Variants in AGAP1 observed in about 807,000 individuals in gnomAD.
AGAP1 encodes the protein ArfGAP with GTPase domain, ankyrin repeat and PH domain 1, also known as arf-GAP with GTPase, ANK repeat and PH domain-containing protein 1.
AGAP1 carries 29 observed loss-of-function variants against 105.3 expected under a neutral mutation model. That is an observed-to-expected ratio of 0.28 (90% confidence interval 0.21 to 0.38). AGAP1 has a LOEUF of 0.38. AGAP1 is among the 10% of genes least tolerant of loss of function. The pLI, the probability that AGAP1 is intolerant of heterozygous loss-of-function variation, is 1.00. For synonymous variants in AGAP1, 509 were observed against 485.9 expected (o/e 1.05, Z -0.63); for missense variants, 998 against 1,165.1 (o/e 0.86, Z 2.09).
intron 1 of AGAP1, among the ~76,000 whole-genome samples, chr2:235,558,444 G>A (rs1450250740): frequency 6.6e-6 from 1 of 152,160 alleles, no homozygotes; most frequent in Non-Finnish European, 1.5e-5. Flanking sequence ...GGAAAACCAT[G>A]TTTTGAAATC....
chr2:235,603,436 C>T (rs1025222075), intron 1 of AGAP1, among the ~76,000 whole-genome samples: 1 of 152,196 alleles, frequency 6.6e-6, no homozygotes, highest in Non-Finnish European at 1.5e-5. Context: ...TGTGAGCTCC[C>T]AGAGTGCACA....
rs1336634137 is a variant in AGAP1, at chr2:236,078,988, T to C, written c.2114+29707T>C. ...AGTCCCGTCCCTTTAGCCTCATCCC[T>C]CATGGGGGAAGATACCTGATGCCGG... On this transcript the variant is annotated intron_variant, in intron 16 of 17. Transcript: ENST00000304032. The surrounding 1 kb of genome is among the most constrained non-coding windows in gnomAD (Gnocchi z 5.3). 1.3e-5 allele frequency among the ~76,000 whole-genome samples: 2 copies of C among 152,048 alleles called. No homozygotes were observed. The highest frequency in any genetic ancestry group is 2.9e-5 in the Non-Finnish European group (2 of 68,000).
chr2:235,568,355 C>T (rs548429801), intron 1 of AGAP1, among the ~76,000 whole-genome samples: 9 of 152,340 alleles, frequency 5.9e-5, no homozygotes, highest in South Asian at 2.1e-4. Context: ...GGAGCATGGA[C>T]GCCCGTTCTC....
chr2:235,515,546 C>T (rs148220119), intron 1 of AGAP1, among the ~76,000 whole-genome samples: 47 of 152,286 alleles, frequency 3.1e-4, no homozygotes, highest in East Asian at 1.5e-3. Flanking sequence ...TCTGTCAACA[C>T]GGAGTTGTTT....
rs999191840 is a variant in AGAP1 at position 236,042,569 on chromosome 2, A to T, written c.1891+1728A>T. On this transcript the variant is annotated intron_variant, in intron 15 of 17. Transcript: ENST00000304032. The surrounding 1 kb of genome is among the most constrained non-coding windows in gnomAD (Gnocchi z 5.6). Reference sequence around the variant, plus strand: ...AGAAATATTAGAACATCCATTAAGGAAAATGCCTGCAGTTGTTTCCACCGT... The same window carrying T: ...AGAAATATTAGAACATCCATTAAGGTAAATGCCTGCAGTTGTTTCCACCGT... Among the ~76,000 whole-genome samples the T allele has an allele frequency of 6.6e-6, 1 of 152,206 alleles. No homozygotes were observed. The highest frequency in any genetic ancestry group is 2.4e-5 in the African/African-American group (1 of 41,458).
At chr2:235,540,661 A>T (rs959600146) in intron 1 of AGAP1, among the ~76,000 whole-genome samples, 1 of 152,172 alleles carries the variant, frequency 6.6e-6, no homozygotes, top group African/African-American at 2.4e-5. Context: ...GCTGGGAGAG[A>T]GTAATGGTGA....
At chr2:235,686,357 G>C (rs1476172655) in intron 1 of AGAP1, among the ~76,000 whole-genome samples, 2 of 151,802 alleles carry the variant, frequency 1.3e-5, no homozygotes, top group African/African-American at 2.4e-5. Context: ...GATTATCTTT[G>C]TTCCTGGTTT....
intron 9 of AGAP1, among the ~76,000 whole-genome samples, chr2:235,811,410 T>A (rs1449992396): frequency 2.0e-5 from 3 of 152,244 alleles, no homozygotes; most frequent in African/African-American, 7.2e-5. Flanking sequence ...TCATTTTTAC[T>A]TGGTGGGGAC....
In AGAP1 at chr2:235,877,339, A is replaced by G. The variant is rs1223591593; in HGVS notation, c.1051-6006A>G. On this transcript the variant is annotated intron_variant, in intron 9 of 17. Transcript: ENST00000304032. The surrounding 1 kb of genome is among the most constrained non-coding windows in gnomAD (Gnocchi z 4.3). ...ATTAATTTACTGTGCATTTAATGTT[A>G]AGGATGATGATGTTTTGCTGAAACA... 6.6e-6 allele frequency among the ~76,000 whole-genome samples: 1 copy of G among 152,184 alleles called. No individual in the cohort carries two copies. The highest frequency in any genetic ancestry group is 1.5e-5 in the Non-Finnish European group (1 of 68,036).
At chr2:235,852,053 G>A (rs1287104614) in intron 9 of AGAP1, among the ~76,000 whole-genome samples, 1 of 152,176 alleles carries the variant, frequency 6.6e-6, no homozygotes, top group African/African-American at 2.4e-5. Context: ...TGCCGACTCT[G>A]AAACAAGGTG....
rs1309567220 is a variant in AGAP1 at position 235,893,240 on chromosome 2, C to T, written c.1155+9791C>T. ...ATAATGAAGCACCATGTCTGTAGCG[C>T]GGGTGTGCCATGTCCATCATAAGGA... On this transcript the variant is annotated intron_variant, in intron 10 of 17. Coordinates refer to ENST00000304032, the MANE Select transcript of AGAP1 (RefSeq NM_001037131.3). This position sits in a 1 kb window ranked among gnomAD's most constrained non-coding sequence, Gnocchi z 4.7. Among the ~76,000 whole-genome samples the T allele has an allele frequency of 1.3e-5, 2 of 148,450 alleles. No homozygotes were observed. The highest frequency in any genetic ancestry group is 6.7e-5 in the Admixed American group (1 of 14,932).
At chr2:235,632,664 C>T (rs981645976) in intron 1 of AGAP1, among the ~76,000 whole-genome samples, 21 of 152,332 alleles carry the variant, frequency 1.4e-4, no homozygotes, top group Non-Finnish European at 7.3e-5. Flanking sequence ...TCTAGCTCCA[C>T]CTGGCCTCCC....
chr2:235,737,630 G>A lies in AGAP1; in HGVS notation c.311-3333G>A, dbSNP rs948221036. ...ACATGTTAGAGGAAGCAAAGGAGAGGATGGACGTGAAATCCGTCCTATGCA... is the reference window on the plus strand; with the variant it reads ...ACATGTTAGAGGAAGCAAAGGAGAGAATGGACGTGAAATCCGTCCTATGCA... On this transcript the variant is annotated intron_variant, in intron 3 of 17. Coordinates refer to ENST00000304032, the MANE Select transcript of AGAP1 (RefSeq NM_001037131.3). This position sits in a 1 kb window ranked among gnomAD's most constrained non-coding sequence, Gnocchi z 4.5. Among the ~76,000 whole-genome samples the A allele has an allele frequency of 1.3e-5, 2 of 152,202 alleles. No individual in the cohort carries two copies. Among genetic ancestry groups the A allele is most frequent in the Non-Finnish European group, 2.9e-5 (2 of 68,050 alleles).
chr2:235,669,634 G>GCCGGCCGCCCGCCA (rs1948261506), intron 1 of AGAP1: 1 of 147,986 alleles, frequency 6.8e-6, no homozygotes, highest in African/African-American at 2.4e-5. Flanking sequence ...GCCGCCCGCC[G>GCCGGCCGCCCGCCA]CCCGCCACCC....
chr2:235,745,704 C>T (rs1212422228), intron 5 of AGAP1, among the ~76,000 whole-genome samples: 4 of 152,190 alleles, frequency 2.6e-5, no homozygotes, highest in Non-Finnish European at 5.9e-5. Context: ...TGATGTGAGA[C>T]GCTTCTCTTT....
intron 13 of AGAP1, among the ~76,000 whole-genome samples, chr2:235,984,716 TC>T (rs1373553661): frequency 6.6e-6 from 1 of 152,074 alleles, no homozygotes; most frequent in Admixed American, 6.6e-5. Context: ...GACTTTCTGT[TC>T]CTGTGTTAGT....
chr2:235,749,229 A>AT (rs1015770830), intron 5 of AGAP1, among the ~76,000 whole-genome samples: 3 of 148,172 alleles, frequency 2.0e-5, no homozygotes, highest in African/African-American at 7.4e-5. Flanking sequence ...AGAAAAAAAA[A>AT]GCTGTCTGTG....
intron 16 of AGAP1, among the ~76,000 whole-genome samples, chr2:236,071,542 A>G (rs949315411): frequency 6.6e-6 from 1 of 152,188 alleles, no homozygotes; most frequent in Non-Finnish European, 1.5e-5. Flanking sequence ...ACAGACCCTT[A>G]TGTGTGCTGT....
In AGAP1 at chr2:235,586,252, A is replaced by C. The variant is rs1945108549; in HGVS notation, c.163+91403A>C. ...CATACGGGCATGTTATCCAGAAGAG[A>C]GGAGAGAGAAGCCCGCTGCACTCTC... On this transcript the variant is annotated intron_variant, in intron 1 of 17. Transcript: ENST00000304032. This position sits in a 1 kb window ranked among gnomAD's most constrained non-coding sequence, Gnocchi z 4.2. Among the ~76,000 whole-genome samples, 1 of 152,164 alleles carries C rather than the reference A, an allele frequency of 6.6e-6. No homozygotes were observed. The highest frequency in any genetic ancestry group is 1.5e-5 in the Non-Finnish European group (1 of 68,032).
Sources: allele counts gnomAD v4.1 joint callset (sites outside exome capture counted in the v4.1 genomes callset), GRCh38; gene constraint gnomAD v4.1.1; non-coding constraint Gnocchi (gnomAD v3.1); transcripts MANE v1.5; gene names NCBI Gene and HGNC (gene_info 2026-07-23, HGNC 2026-07-21).